Variants in RNF152 observed in about 807,000 individuals in gnomAD.
The protein encoded by RNF152 is ring finger protein 152.
RNF152 carries 11 observed loss-of-function variants against 12.7 expected under a neutral mutation model. The ratio of observed to expected loss-of-function variants is 0.86; its 90% confidence interval spans 0.54 to 1.43. The LOEUF (loss-of-function observed/expected upper bound fraction) is 1.43, where lower values mean the gene tolerates loss of function less well. RNF152 is among the 40% of genes most tolerant of loss of function. RNF152 has a pLI of 0.00. For missense variants in RNF152, 255 were observed against 274.8 expected (o/e 0.93, Z 0.51); for synonymous variants, 113 against 120.3 (o/e 0.94, Z 0.40).
intron 1 of RNF152, among the ~76,000 whole-genome samples, chr18:61,847,521 C>T (rs1213326193): frequency 1.3e-5 from 2 of 152,344 alleles, no homozygotes; most frequent in East Asian, 3.9e-4. Context: ...ATAGGCATTG[C>T]ATATTCTGCC....
intron 1 of RNF152, among the ~76,000 whole-genome samples, chr18:61,873,831 G>A (rs979413624): frequency 5.3e-5 from 8 of 152,166 alleles, no homozygotes; most frequent in South Asian, 2.1e-4. Context: ...CTTGTTTTCC[G>A]AGAAAATGGA....
chr18:61,866,744 A>T (rs866449036), intron 1 of RNF152, among the ~76,000 whole-genome samples: 2 of 152,218 alleles, frequency 1.3e-5, no homozygotes, highest in African/African-American at 2.4e-5. Flanking sequence ...ATTGGTGGTG[A>T]CACCGGGGGT....
intron 1 of RNF152, among the ~76,000 whole-genome samples, chr18:61,845,868 T>C (rs558040846): frequency 6.6e-6 from 1 of 152,022 alleles, no homozygotes; most frequent in South Asian, 2.1e-4. Flanking sequence ...CCAAAATGCA[T>C]ATGTTGAAAC....
At chr18:61,888,140 G>C (rs1912782031) in intron 1 of RNF152, 1 of 152,264 alleles carries the variant, frequency 6.6e-6, no homozygotes, top group African/African-American at 2.4e-5. Context: ...TCCACTCCTA[G>C]GCGATCACAA....
At chr18:61,819,263 A>G (rs967923903) in intron 1 of RNF152, among the ~76,000 whole-genome samples, 1 of 152,322 alleles carries the variant, frequency 6.6e-6, no homozygotes, top group Non-Finnish European at 1.5e-5. Flanking sequence ...GGGATAGCAG[A>G]TCCCACAGGG....
intron 1 of RNF152, among the ~76,000 whole-genome samples, chr18:61,891,384 C>T (rs925377616): frequency 2.6e-5 from 4 of 152,108 alleles, no homozygotes; most frequent in African/African-American, 4.8e-5. Context: ...CATGGGCAGG[C>T]TACTGTTTTG....
Position 61,809,880 on chromosome 18 carries a change from C to G in RNF152, c.*5972G>C, listed in dbSNP as rs1259801573. ...TGAAAAAAAAAAAAAAAAAAAAAGT[C>G]ATTGGCTCGACTGAGCAAGAAAATT... On this transcript the variant is annotated 3_prime_UTR_variant, in exon 2 of 2. Transcript: ENST00000312828. 7.9e-6 allele frequency: 1 copy of G among 126,362 alleles called. No homozygotes were observed. The highest frequency in any genetic ancestry group is 3.0e-5 in the African/African-American group (1 of 33,858). 7.8% of individuals were successfully genotyped at this position (126,362 alleles called of 1,614,324 possible). A position where few individuals can be genotyped will look rare whatever the true frequency, so the allele number is the denominator to read the frequency against.
intron 1 of RNF152, among the ~76,000 whole-genome samples, chr18:61,864,153 C>A (rs904010641): frequency 1.3e-5 from 2 of 152,148 alleles, no homozygotes; most frequent in African/African-American, 4.8e-5. Context: ...TCCATTTTGA[C>A]CCTAACTACC....
intron 1 of RNF152, among the ~76,000 whole-genome samples, chr18:61,836,184 G>A (rs994064778): frequency 2.0e-5 from 3 of 152,124 alleles, no homozygotes; most frequent in Non-Finnish European, 4.4e-5. Context: ...CCAGGTCTGG[G>A]GCAGGGAAAA....
At chr18:61,839,682 T>A (rs1599283064) in intron 1 of RNF152, among the ~76,000 whole-genome samples, 1 of 151,956 alleles carries the variant, frequency 6.6e-6, no homozygotes, top group Non-Finnish European at 1.5e-5. Flanking sequence ...GATCACAAGG[T>A]CGGGAGATCG....
At chr18:61,891,708 T>C (rs556952733) in intron 1 of RNF152, among the ~76,000 whole-genome samples, 51 of 152,358 alleles carry the variant, frequency 3.3e-4, no homozygotes, top group African/African-American at 1.2e-3. Flanking sequence ...GTGTCACCTA[T>C]GTTTTTAAAG....
At chr18:61,893,223 T>C (rs992817210), upstream of RNF152, 4 of 152,216 alleles carry the variant, frequency 2.6e-5, no homozygotes, top group Admixed American at 6.5e-5. Context: ...GAATAACATC[T>C]TGGGGCAAAG....
intron 1 of RNF152, among the ~76,000 whole-genome samples, chr18:61,831,840 A>G (rs1909965630): frequency 6.6e-6 from 1 of 152,162 alleles, no homozygotes; most frequent in Admixed American, 6.5e-5. Context: ...TCAATAAGAA[A>G]CAATTTACTT....
chr18:61,887,068 G>C (rs1286867406), intron 1 of RNF152, among the ~76,000 whole-genome samples: 1 of 152,196 alleles, frequency 6.6e-6, no homozygotes, highest in Non-Finnish European at 1.5e-5. Flanking sequence ...AAAACATTTT[G>C]GGCAACAGTG....
chr18:61,870,464 A>C (rs1009009066), intron 1 of RNF152, among the ~76,000 whole-genome samples: 1 of 152,022 alleles, frequency 6.6e-6, no homozygotes, highest in Non-Finnish European at 1.5e-5. Context: ...CACGCCTGTC[A>C]CCTTACCTAC....
At chr18:61,853,479 A>G (rs1911079019) in intron 1 of RNF152, among the ~76,000 whole-genome samples, 1 of 151,972 alleles carries the variant, frequency 6.6e-6, no homozygotes, top group Non-Finnish European at 1.5e-5. Context: ...TTTAGTAGAG[A>G]TGGGGTTTCA....
At chr18:61,818,618 T>C (rs1958525719) in intron 1 of RNF152, among the ~76,000 whole-genome samples, 1 of 152,206 alleles carries the variant, frequency 6.6e-6, no homozygotes, top group South Asian at 2.1e-4. Flanking sequence ...CAGGATCAAC[T>C]ACATAGCTAT....
At chr18:61,851,740 T>C (rs1910990226) in intron 1 of RNF152, among the ~76,000 whole-genome samples, 2 of 152,170 alleles carry the variant, frequency 1.3e-5, no homozygotes, top group Non-Finnish European at 2.9e-5. Context: ...TTAAACTCAA[T>C]TGCTGAAATA....
At position 61,814,170 on chromosome 18, in the gene RNF152, A is replaced by T. The variant is rs763003011; in HGVS notation, c.*1682T>A. On this transcript the variant is annotated 3_prime_UTR_variant, in exon 2 of 2. Coordinates refer to ENST00000312828, the MANE Select transcript of RNF152 (RefSeq NM_173557.3). ...TTATATTTTTGTTTTATTTCACATT[A>T]ATTCCATCACTTTTATATGCATATT... The T allele has an allele frequency of 2.6e-4, 39 of 152,208 alleles. No individual in the cohort carries two copies. The highest frequency in any genetic ancestry group is 1.3e-4 in the Admixed American group (2 of 15,276). 9.4% of individuals were successfully genotyped at this position (152,208 alleles called of 1,614,324 possible). A position where few individuals can be genotyped will look rare whatever the true frequency, so the allele number is the denominator to read the frequency against.
Sources: allele counts gnomAD v4.1 joint callset (sites outside exome capture counted in the v4.1 genomes callset), GRCh38; gene constraint gnomAD v4.1.1; transcripts MANE v1.5; gene names NCBI Gene and HGNC (gene_info 2026-07-23, HGNC 2026-07-21).